USP32: variants seen among roughly 807,000 people sequenced by gnomAD.
The protein encoded by USP32 is ubiquitin specific peptidase 32, also known as ubiquitin carboxyl-terminal hydrolase 32.
In USP32, 59 loss-of-function variants were observed where a neutral mutation model predicts 204.8. The ratio of observed to expected loss-of-function variants is 0.29; its 90% CI spans 0.23 to 0.36. USP32 has a LOEUF of 0.36. Ranked by LOEUF, USP32 falls within the 10% of genes least tolerant of loss-of-function variation. USP32 has a pLI of 1.00. For missense variants in USP32, 1,160 were observed against 1,946.4 expected, an observed-to-expected ratio of 0.60 and a Z score of 7.60; for synonymous variants, 517 against 678.4, an observed-to-expected ratio of 0.76 and a Z score of 3.70.
intron 4 of USP32, 129 bp from the exon 5 acceptor site, chr17:60,288,811 A>G: frequency 1.4e-6 from 1 of 720,502 alleles, no homozygotes; most frequent in Non-Finnish European, 2.3e-6. Flanking sequence ...GGATTATCTA[A>G]TAACACTGCA....
At chr17:60,246,571 G>A (rs577312895) in intron 11 of USP32, among the ~76,000 whole-genome samples, 17 of 152,038 alleles carry the variant, frequency 1.1e-4, no homozygotes, top group East Asian at 1.9e-4. Context: ...CAGTGGGATC[G>A]CTGGATAATA....
At chr17:60,208,567 A>T in intron 23 of USP32, 87 bp downstream of exon 23, 2 of 1,418,682 alleles carry the variant, frequency 1.4e-6, no homozygotes, top group Non-Finnish European at 1.8e-6. Context: ...TTTATTTGTA[A>T]ACAAATAACT....
chr17:60,386,241 CAGA>C (rs555428483), intron 1 of USP32, among the ~76,000 whole-genome samples: 4 of 151,876 alleles, frequency 2.6e-5, no homozygotes, highest in African/African-American at 7.2e-5. Flanking sequence ...AAAGCAAAAG[CAGA>C]AGCATAAACA....
intron 1 of USP32, among the ~76,000 whole-genome samples, chr17:60,384,637 C>A (rs117426739): frequency 0.022 from 3,334 of 151,956 alleles, 38 homozygotes; most frequent in Non-Finnish European, 0.032. Flanking sequence ...ACTGAAAATA[C>A]AAAATTAGTC....
At chr17:60,421,432 C>A in intron 1 of USP32, 1 of 985,578 alleles carries the variant, frequency 1.0e-6, no homozygotes, top group Non-Finnish European at 1.2e-6. Context: ...AGGGGAGGCC[C>A]GGGCCGACGG....
intron 26 of USP32, among the ~76,000 whole-genome samples, chr17:60,203,765 C>T (rs1239049201): frequency 2.0e-4 from 31 of 152,024 alleles, no homozygotes; most frequent in Non-Finnish European, 5.9e-5. Flanking sequence ...TTAATAGAGA[C>T]GGGGTTTCAC....
intron 12 of USP32, among the ~76,000 whole-genome samples, chr17:60,232,915 T>TA (rs2085611783): frequency 6.6e-6 from 1 of 152,224 alleles, no homozygotes; most frequent in African/African-American, 2.4e-5. Flanking sequence ...TTTAACCTTA[T>TA]ATAGAGTTTC....
chr17:60,240,450 A>AAAGAGAGAGGGAGGGAGAGAGAGG (rs2085846344), intron 11 of USP32, among the ~76,000 whole-genome samples: 1 of 151,912 alleles, frequency 6.6e-6, no homozygotes, highest in Non-Finnish European at 1.5e-5. Context: ...GGAGAGAAGA[A>AAAGAGAGAGGGAGGGAGAGAGAGG]AAGAGAGAGG....
chr17:60,373,732 G>A (rs962319331), intron 1 of USP32, among the ~76,000 whole-genome samples: 1 of 152,006 alleles, frequency 6.6e-6, no homozygotes, highest in Non-Finnish European at 1.5e-5. Context: ...TTACAAGCGT[G>A]AGCCACCATG....
intron 12 of USP32, 49 bp downstream of exon 12, chr17:60,236,089 G>T: frequency 6.8e-7 from 1 of 1,467,242 alleles, no homozygotes; most frequent in Non-Finnish European, 9.5e-7. Flanking sequence ...GAAGTCTCAC[G>T]CAGCTGAAAA....
chr17:60,309,438 C>A lies in USP32; in HGVS notation c.187-7734G>T, dbSNP rs182414798. Reference sequence around the variant, plus strand: ...AACATGGCAGAAACCCCTGTCTCTACAAAAAATACAAAAATTAGCTGGGTG... The same window carrying A: ...AACATGGCAGAAACCCCTGTCTCTAAAAAAAATACAAAAATTAGCTGGGTG... On this transcript the variant is annotated intron_variant, in intron 2 of 33. Transcript: ENST00000300896. 2.6e-4 allele frequency among the ~76,000 whole-genome samples: 40 copies of A among 151,104 alleles called. No homozygotes were observed. In the East Asian group the frequency reaches 4.8e-3, roughly 18 times the overall value.
chr17:60,400,384 G>A (rs1180407590), intron 1 of USP32, among the ~76,000 whole-genome samples: 19 of 152,198 alleles, frequency 1.2e-4, no homozygotes, highest in Admixed American at 1.2e-3. Flanking sequence ...CATTAATCCA[G>A]GCGTGAGGGT....
At chr17:60,386,589 T>G (rs1481294763) in intron 1 of USP32, among the ~76,000 whole-genome samples, 1 of 152,146 alleles carries the variant, frequency 6.6e-6, no homozygotes, top group Non-Finnish European at 1.5e-5. Flanking sequence ...GGGTTGGGCA[T>G]CACAATCCCA....
chr17:60,221,877 T>C (rs1357032087), intron 15 of USP32, among the ~76,000 whole-genome samples: 1 of 152,170 alleles, frequency 6.6e-6, no homozygotes. Context: ...GTGTCCAGAG[T>C]ACCGAGTGCT....
intron 12 of USP32, among the ~76,000 whole-genome samples, chr17:60,235,000 C>A (rs1185232257): frequency 6.6e-6 from 1 of 152,160 alleles, no homozygotes; most frequent in Admixed American, 6.5e-5. Context: ...CCCCAAATTT[C>A]TTTAGTGCAC....
intron 4 of USP32, among the ~76,000 whole-genome samples, chr17:60,292,511 T>C (rs1298920060): frequency 6.6e-6 from 1 of 152,170 alleles, no homozygotes; most frequent in Admixed American, 6.6e-5. Flanking sequence ...ATTTACTGAA[T>C]CAGGCTAAAT....
intron 5 of USP32, among the ~76,000 whole-genome samples, chr17:60,279,020 T>C (rs1236597649): frequency 6.6e-6 from 1 of 152,190 alleles, no homozygotes; most frequent in Non-Finnish European, 1.5e-5. Context: ...TCATTCAAAG[T>C]AGAATCAGAG....
chr17:60,371,814 A>G (rs1224509100), intron 1 of USP32, among the ~76,000 whole-genome samples: 1 of 152,202 alleles, frequency 6.6e-6, no homozygotes, highest in Non-Finnish European at 1.5e-5. Flanking sequence ...CATAGTCTTG[A>G]AAGGAGACTT....
At position 60,207,985 on chromosome 17, in the gene USP32, T is replaced by C. The variant is rs1364518403; in HGVS notation, c.2925+74A>G. On this transcript the variant is annotated intron_variant, in intron 24 of 33. Transcript: ENST00000300896. ...CTCTCTTGGTCACATAACCTAACAATTGATCATAATAATTGAGAAAAATGT... is the reference window on the plus strand; with the variant it reads ...CTCTCTTGGTCACATAACCTAACAACTGATCATAATAATTGAGAAAAATGT... The C allele has an allele frequency of 5.4e-6, 8 of 1,485,318 alleles. No homozygotes were observed. In the East Asian group the frequency reaches 7.0e-5, roughly 13 times the overall value. 92.0% of individuals were successfully genotyped at this position (1,485,318 alleles called of 1,614,324 possible).
Sources: allele counts gnomAD v4.1 joint callset (sites outside exome capture counted in the v4.1 genomes callset), GRCh38; gene constraint gnomAD v4.1.1; transcripts MANE v1.5; gene names NCBI Gene and HGNC (gene_info 2026-07-23, HGNC 2026-07-21).